The following NBPF14 variants were observed in gnomAD, a reference collection of about 807,000 sequenced individuals.
NBPF14 encodes the protein NBPF family member NBPF14.
A neutral mutation model predicts 91.2 loss-of-function variants in NBPF14; 104 were observed. The observed-to-expected ratio is 1.14, with a 90% CI of 0.97 to 1.34. The LOEUF (loss-of-function observed/expected upper bound fraction) is 1.34. Among genes scored for constraint, NBPF14 ranks in the 40% most tolerant of loss-of-function variants. NBPF14 has a pLI of 0.00. For missense variants in NBPF14, 908 were observed against 783.0 expected (o/e 1.16, Z -1.91); for synonymous variants, 294 against 303.8 (o/e 0.97, Z 0.34).
In NBPF14 at chr1:148,566,325, G is replaced by C. The variant is rs1333309492; in HGVS notation, c.3543-10C>G. The C allele has an allele frequency of 6.5e-6, 5 of 769,962 alleles. No individual in the cohort carries two copies. The highest frequency in any genetic ancestry group is 1.4e-5 in the South Asian group (1 of 71,104). 47.7% of individuals were successfully genotyped at this position (769,962 alleles called of 1,614,324 possible). On this transcript the variant is annotated splice_polypyrimidine_tract_variant and intron_variant, in intron 28 of 70. Transcript: ENST00000619423. ...CAGCTCCCTGCTGAGCCTGGAAAAG[G>C]AGGAAAAGGTAAAGAATAAGCCAGG...
chr1:148,566,191 A>G, exon 29 of NBPF14: 1 of 557,918 alleles, frequency 1.8e-6, no homozygotes, highest in Non-Finnish European at 3.1e-6. Context: ...AATGCATAAA[A>G]GGAACTTCCA....
intron 5 of NBPF14, among the ~76,000 whole-genome samples, chr1:148,591,184 T>C (rs1159176896): frequency 6.8e-6 from 1 of 146,722 alleles, no homozygotes; most frequent in Admixed American, 6.8e-5. Context: ...TGGTGTTCAG[T>C]GCACTGAACA....
intron 68 of NBPF14, 128 bp downstream of exon 68, chr1:148,535,325 C>G (rs1476795805): frequency 1.2e-5 from 7 of 601,200 alleles, no homozygotes; most frequent in African/African-American, 4.0e-5. Context: ...TGAAAACCAA[C>G]AGCAATGTCA....
At chr1:148,533,458 C>T (rs1476994241) in intron 70 of NBPF14, among the ~76,000 whole-genome samples, 1 of 149,650 alleles carries the variant, frequency 6.7e-6, no homozygotes, top group Non-Finnish European at 1.5e-5. Context: ...GAGAGAGAGA[C>T]AGAGACAGAG....
At chr1:148,593,610 G>C in exon 3 of NBPF14, 1 of 1,556,238 alleles carries the variant, frequency 6.4e-7, no homozygotes, top group Non-Finnish European at 8.8e-7. Context: ...GAGCTCCTCA[G>C]CTTGCTTCAG....
At chr1:148,533,196 G>A in exon 71 of NBPF14, 2 of 682,920 alleles carry the variant, frequency 2.9e-6, no homozygotes, top group South Asian at 4.0e-5. Context: ...CATCTATCCA[G>A]TGAGTCCTGT....
intron 34 of NBPF14, among the ~76,000 whole-genome samples, chr1:148,561,812 C>G (rs1396957163): frequency 2.3e-4 from 31 of 136,052 alleles, no homozygotes; most frequent in South Asian, 1.6e-3. Flanking sequence ...AACACACACA[C>G]ACACACAGAG....
intron 6 of NBPF14, among the ~76,000 whole-genome samples, chr1:148,589,764 ACT>A (rs1662136932): frequency 1.4e-5 from 2 of 144,816 alleles, no homozygotes; most frequent in Non-Finnish European, 3.1e-5. Context: ...ACGGAGTCTC[ACT>A]CTGTCACGCA....
intron 36 of NBPF14, 126 bp from the exon 37 acceptor site, chr1:148,560,091 A>G: frequency 1.5e-6 from 1 of 673,438 alleles, no homozygotes; most frequent in Non-Finnish European, 2.7e-6. Context: ...TTAATGAGGT[A>G]ACAAATTATT....
chr1:148,566,357 C>G lies in NBPF14; in HGVS notation c.3543-42G>C, dbSNP rs1363397620. On this transcript the variant is annotated intron_variant, in intron 28 of 70. Transcript: ENST00000619423. ...AGGTAAAGAATAAGCCAGGGGAAAT[C>G]AGACACAACAGAGCCTCAACTAGGT... is the stretch of plus-strand genomic sequence containing the variant. 1.9e-5 allele frequency: 14 copies of G among 749,868 alleles called. 1 individual carries two copies. Among genetic ancestry groups the G allele is most frequent in the South Asian group, 1.5e-4 (11 of 71,256 alleles). 46.5% of individuals were successfully genotyped at this position (749,868 alleles called of 1,614,324 possible). A position where few individuals can be genotyped will look rare whatever the true frequency, so the allele number is the denominator to read the frequency against.
intron 37 of NBPF14, among the ~76,000 whole-genome samples, chr1:148,559,482 T>C (rs1459243639): frequency 7.8e-6 from 1 of 128,474 alleles, no homozygotes; most frequent in Non-Finnish European, 1.5e-5. Flanking sequence ...GGATGAAATC[T>C]ACAAGATCTA....
intron 14 of NBPF14, among the ~76,000 whole-genome samples, chr1:148,577,621 C>G (rs1660127239): frequency 6.7e-6 from 1 of 149,846 alleles, no homozygotes; most frequent in South Asian, 2.1e-4. Flanking sequence ...TCAGGTGACA[C>G]ACTGATGAGG....
intron 48 of NBPF14, among the ~76,000 whole-genome samples, 158 bp from the exon 49 acceptor site, chr1:148,550,702 A>G (rs1656158770): frequency 8.3e-6 from 1 of 119,840 alleles, no homozygotes; most frequent in Non-Finnish European, 1.7e-5. Flanking sequence ...GGGATAGAAC[A>G]GGGCCAGGTA....
exon 37 of NBPF14, chr1:148,559,924 A>C (rs1161173267): frequency 1.0e-5 from 14 of 1,350,818 alleles, no homozygotes; most frequent in Admixed American, 5.3e-5. Context: ...TGAGTCCTGC[A>C]AGACTTCAGG....
At chr1:148,535,315 T>C (rs1284331496) in intron 68 of NBPF14, 138 bp downstream of exon 68, 86 of 613,362 alleles carry the variant, frequency 1.4e-4, no homozygotes, top group East Asian at 5.4e-4. Context: ...TCTACTGCAA[T>C]GAAAACCAAC....
chr1:148,566,213 G>A, exon 29 of NBPF14: 5 of 581,388 alleles, frequency 8.6e-6, no homozygotes, highest in Admixed American at 2.7e-5. Flanking sequence ...AGGGCTGGCA[G>A]GAGTCAGGCT....
At chr1:148,593,520 T>G (rs1321318568) in intron 3 of NBPF14, 78 bp downstream of exon 3, 18 of 983,226 alleles carry the variant, frequency 1.8e-5, no homozygotes, top group Admixed American at 3.5e-5. Flanking sequence ...GCTTCGTTCT[T>G]ACTTCTCCCC....
intron 28 of NBPF14, among the ~76,000 whole-genome samples, chr1:148,566,557 A>ACG (rs1163325875): frequency 6.9e-6 from 1 of 144,470 alleles, no homozygotes; most frequent in Non-Finnish European, 1.6e-5. Flanking sequence ...ACACACACAC[A>ACG]CAGAGAACGA....
chr1:148,559,740 C>T lies in NBPF14; in HGVS notation c.4729+53G>A, dbSNP rs1224745492. On this transcript the variant is annotated intron_variant, in intron 37 of 70. Transcript: ENST00000619423. ...AGGGCCACTTGCAGTAGGAATATGA[C>T]CCTAACCAGAAGACTCAGTGGATCC... 4.5e-4 allele frequency: 438 copies of T among 972,560 alleles called. 15 individuals carry two copies. Among genetic ancestry groups the T allele is most frequent in the South Asian group, 2.4e-3 (171 of 70,636 alleles). The allele number at this position is 972,560 out of a possible 1,614,324, so 60.2% of individuals were successfully genotyped here. A position where few individuals can be genotyped will look rare whatever the true frequency, so the allele number is the denominator to read the frequency against.
Sources: gnomAD v4.1 joint callset for allele counts (sites outside exome capture counted in the v4.1 genomes callset) on GRCh38, gnomAD v4.1.1 for gene constraint, MANE v1.5 for transcripts, NCBI Gene and HGNC (gene_info 2026-07-23, HGNC 2026-07-21) for gene names.